Variants in OIT3 observed in about 807,000 individuals in gnomAD.
OIT3 encodes the protein oncoprotein-induced transcript 3 protein.
Under a neutral mutation model 52.2 loss-of-function variants are expected in OIT3, and 41 were observed. The ratio of observed to expected loss-of-function variants is 0.79; its 90% CI spans 0.61 to 1.02. The LOEUF (loss-of-function observed/expected upper bound fraction) is 1.02, where lower values mean the gene tolerates loss of function less well. Among genes scored for constraint, OIT3 ranks in the 50% least tolerant of loss-of-function variants. OIT3 has a pLI of 0.00. For missense variants in OIT3, 634 were observed against 715.5 expected, an observed-to-expected ratio of 0.89 and a Z score of 1.30; for synonymous variants, 244 against 276.9, an observed-to-expected ratio of 0.88 and a Z score of 1.18.
At position 72,924,390 on chromosome 10, in the gene OIT3, C is replaced by T; in HGVS notation, c.1113C>T (p.Asn371=). The T allele has an allele frequency of 6.2e-7, 1 of 1,614,168 alleles. No homozygotes were observed. Among genetic ancestry groups the T allele is most frequent in the Non-Finnish European group, 8.5e-7 (1 of 1,180,002 alleles). ...CCATTTCTGAAGGATACGTTCCCAA[C>T]CTTCGAAACTCCCCACTGGAAATCA... The part of the protein sequence containing the change: ...LYTISEGYVP[N]LRNSPLEIMS... The change falls in exon 7 of 9, where the codon AAC becomes AAT. Residue 371 remains asparagine, a synonymous_variant. Coordinates refer to ENST00000334011, the MANE Select transcript of OIT3 (RefSeq NM_152635.3).
chr10:72,905,466 CA>C (rs200886733), intron 3 of OIT3, among the ~76,000 whole-genome samples: 10 of 150,122 alleles, frequency 6.7e-5, no homozygotes, highest in Admixed American at 5.3e-4. Context: ...GGCTCCGTCT[CA>C]AAAAAAAAGA....
At chr10:72,932,140 T>G (rs1233082527) in intron 8 of OIT3, among the ~76,000 whole-genome samples, 1 of 152,192 alleles carries the variant, frequency 6.6e-6, no homozygotes, top group Non-Finnish European at 1.5e-5. Context: ...AATGCAAACT[T>G]TGCCACATTT....
Position 72,918,023 on chromosome 10 carries a change from A to ATCG in OIT3, c.951+4558_951+4560dup, listed in dbSNP as rs1846088405. On this transcript the variant is annotated intron_variant, in intron 6 of 8. Transcript: ENST00000334011. ...CTTCATCATCATCTTCATCTTCTTCATCGTCATCATCATCATCATCATCAT... is the reference window on the plus strand; with the variant it reads ...CTTCATCATCATCTTCATCTTCTTCATCGTCGTCATCATCATCATCATCATCAT... The ATCG allele has an allele frequency of 6.0e-6, 5 of 826,494 alleles. No homozygotes were observed. In the East Asian group the frequency reaches 9.7e-5, roughly 16 times the overall value. The allele number at this position is 826,494 out of a possible 1,614,324, so 51.2% of individuals were successfully genotyped here.
intron 6 of OIT3, among the ~76,000 whole-genome samples, chr10:72,914,003 G>A (rs1291489322): frequency 1.3e-5 from 2 of 152,192 alleles, no homozygotes; most frequent in Non-Finnish European, 2.9e-5. Context: ...GATGAACAGC[G>A]AGACAGATGA....
intron 6 of OIT3, chr10:72,918,605 C>A: frequency 1.3e-6 from 1 of 746,802 alleles, no homozygotes; most frequent in South Asian, 1.4e-5. Context: ...AAGAGAACAG[C>A]CGCACAGGAC....
intron 6 of OIT3, among the ~76,000 whole-genome samples, chr10:72,916,686 A>G (rs1189424769): frequency 6.6e-6 from 1 of 152,222 alleles, no homozygotes; most frequent in Non-Finnish European, 1.5e-5. Context: ...TCCTTTGGGT[A>G]TATACCCAGT....
At chr10:72,900,277 G>T (rs1253853730) in intron 2 of OIT3, 100 bp from the exon 3 acceptor site, 37 of 684,810 alleles carry the variant, frequency 5.4e-5, no homozygotes, top group Non-Finnish European at 7.7e-6. Context: ...GGCAACATAG[G>T]GATACCACCC....
At chr10:72,907,323 C>T (rs182431277) in intron 4 of OIT3, among the ~76,000 whole-genome samples, 1 of 151,952 alleles carries the variant, frequency 6.6e-6, no homozygotes, top group Non-Finnish European at 1.5e-5. Context: ...AATGTGCCCA[C>T]GAATCACTTA....
intron 8 of OIT3, among the ~76,000 whole-genome samples, chr10:72,931,873 C>A (rs1846219410): frequency 6.6e-6 from 1 of 152,194 alleles, no homozygotes; most frequent in Admixed American, 6.5e-5. Flanking sequence ...GGTTACAGAA[C>A]AACTGCTAAC....
rs149795198 is a variant in OIT3 at position 72,895,709 on chromosome 10, G to A, written c.61+1850G>A. Among the ~76,000 whole-genome samples, 990 of 152,296 alleles carry A rather than the reference G, an allele frequency of 6.5e-3. 16 individuals carry two copies. The highest frequency in any genetic ancestry group is 0.022 in the African/African-American group (933 of 41,560). ...AACCCTGGGGCGAAAGGGTGGGGAC[G>A]CAGACATGGTTCCCTGCCCTTGGCC... is the stretch of plus-strand genomic sequence containing the variant. On this transcript the variant is annotated intron_variant, in intron 1 of 8. Transcript: ENST00000334011.
Position 72,913,464 on chromosome 10 carries a change from T to C in OIT3, c.947T>C (p.Val316Ala). The C allele has an allele frequency of 6.2e-7, 1 of 1,603,914 alleles. No individual in the cohort carries two copies. The highest frequency in any genetic ancestry group is 8.5e-7 in the Non-Finnish European group (1 of 1,172,014). The change falls in exon 6 of 9, where the codon GTC becomes GCC. Residue 316 changes from valine (V) to alanine (A), a missense_variant. By Grantham distance (64) the Val-to-Ala change is moderately conservative (BLOSUM62 0). Coordinates refer to ENST00000334011, the MANE Select transcript of OIT3 (RefSeq NM_152635.3). ...LFSLKTCGTV[V>A]DVVNDKIVAS... ...TCTCTCAAGACATGTGGTACAGTGGTCGATGTAGGTTCCTCCTGGAGGGCA... is the reference window on the plus strand; with the variant it reads ...TCTCTCAAGACATGTGGTACAGTGGCCGATGTAGGTTCCTCCTGGAGGGCA...
intron 1 of OIT3, among the ~76,000 whole-genome samples, chr10:72,897,385 C>T (rs1452638964): frequency 6.6e-6 from 1 of 152,108 alleles, no homozygotes; most frequent in African/African-American, 2.4e-5. Context: ...AGATATTTGT[C>T]CTTGTAATTT....
intron 7 of OIT3, among the ~76,000 whole-genome samples, chr10:72,926,865 A>G (rs1846174001): frequency 6.6e-6 from 1 of 152,192 alleles, no homozygotes; most frequent in African/African-American, 2.4e-5. Context: ...TAACTTTAGT[A>G]GAGTACTATT....
chr10:72,917,060 G>T (rs536239218), intron 6 of OIT3, among the ~76,000 whole-genome samples: 3 of 152,012 alleles, frequency 2.0e-5, no homozygotes, highest in Non-Finnish European at 4.4e-5. Context: ...TGTAGATGCT[G>T]GATATTAGAC....
At position 72,900,462 on chromosome 10, in the gene OIT3, C is replaced by A; in HGVS notation, c.522C>A (p.Gly174=). 6.2e-7 allele frequency: 1 copy of A among 1,604,478 alleles called. No homozygotes were observed. The highest frequency in any genetic ancestry group is 8.5e-7 in the Non-Finnish European group (1 of 1,171,388). The stretch of plus-strand genomic sequence containing the variant: ...CATGCGCTCCAGGAACTGTGCTAGG[C>A]CCTGACAGGCAGACATGCTTTGGTA... The part of the protein sequence containing the change: ...ECTCAPGTVL[G]PDRQTCFDEN... Residue 174 remains glycine, a synonymous_variant, in exon 3 of 9, where the codon GGC becomes GGA. Transcript: ENST00000334011.
Position 72,924,381 on chromosome 10 carries a change from C to T in OIT3, c.1104C>T (p.Tyr368=), listed in dbSNP as rs373898056. The T allele has an allele frequency of 9.4e-5, 151 of 1,613,980 alleles. No homozygotes were observed. The highest frequency in any genetic ancestry group is 1.6e-4 in the Middle Eastern group (1 of 6,084). ...GCCTGTACACCATTTCTGAAGGATA[C>T]GTTCCCAACCTTCGAAACTCCCCAC... ...FPRLYTISEG[Y]VPNLRNSPLE... is the part of the protein sequence containing the mutation. The change falls in exon 7 of 9, where the codon TAC becomes TAT. Residue 368 remains tyrosine (Y), a synonymous_variant. Transcript: ENST00000334011.
intron 1 of OIT3, among the ~76,000 whole-genome samples, chr10:72,894,641 G>A (rs1025266219): frequency 6.6e-6 from 1 of 152,138 alleles, no homozygotes; most frequent in African/African-American, 2.4e-5. Context: ...CATTTGAGAG[G>A]CCAAGGCGGG....
intron 1 of OIT3, among the ~76,000 whole-genome samples, chr10:72,896,839 G>A (rs957606593): frequency 6.6e-6 from 1 of 152,104 alleles, no homozygotes; most frequent in Non-Finnish European, 1.5e-5. Context: ...GCATTAAGAA[G>A]GATAATATAG....
At chr10:72,907,419 C>T (rs540414181) in intron 4 of OIT3, among the ~76,000 whole-genome samples, 1 of 152,266 alleles carries the variant, frequency 6.6e-6, no homozygotes, top group East Asian at 1.9e-4. Context: ...TAGGAGTCAG[C>T]TATGCTGCTG....
Sources: allele counts gnomAD v4.1 joint callset (sites outside exome capture counted in the v4.1 genomes callset), GRCh38; gene constraint gnomAD v4.1.1; transcripts MANE v1.5; gene names NCBI Gene and HGNC (gene_info 2026-07-23, HGNC 2026-07-21).